The following AFF2 variants were observed in gnomAD, a reference collection of about 807,000 sequenced individuals.
AFF2 encodes AF4/FMR2 family member 2.
In AFF2, 14 loss-of-function variants were observed where a neutral mutation model predicts 76.9. The observed-to-expected ratio is 0.18, with a 90% CI of 0.12 to 0.28. The LOEUF (loss-of-function observed/expected upper bound fraction) is 0.28, where lower values mean the gene tolerates loss of function less well. Ranked by LOEUF, AFF2 falls within the 10% of genes least tolerant of loss-of-function variation. AFF2 has a pLI of 1.00. For synonymous variants in AFF2, 398 were observed against 366.7 expected, an observed-to-expected ratio of 1.09 and a Z score of -0.98; for missense variants, 868 against 1,001.1, an observed-to-expected ratio of 0.87 and a Z score of 1.79.
intron 8 of AFF2, among the ~76,000 whole-genome samples, chrX:148,889,866 A>G (rs2071203130): frequency 8.9e-6 from 1 of 111,805 alleles, no homozygotes; most frequent in Non-Finnish European, 1.9e-5. Flanking sequence ...TCATTGGGTC[A>G]TACTGGGGAT....
chrX:148,652,539 T>C lies in AFF2; in HGVS notation c.180+408T>C, dbSNP rs1181245040. 2.7e-4 allele frequency among the ~76,000 whole-genome samples: 30 copies of C among 112,244 alleles called. No individual in the cohort carries two copies. The Admixed American group carries it at 2.8e-3, about 11-fold the overall frequency. On this transcript the variant is annotated intron_variant, in intron 2 of 20. Transcript: ENST00000370460. The stretch of plus-strand genomic sequence containing the variant: ...GTCATCCATTGCAAGGCCACTGTTT[T>C]TCTTTTCCATTTTAGGTTGTTAGCA...
At position 148,539,673 on chromosome X, in the gene AFF2, A is replaced by T. The variant is rs73638162; in HGVS notation, c.47+38529A>T. ...TAAGATTGAACTATCTTTTTTTTTT[A>T]AAAAAATAAAACATTGAACTAGCTC... On this transcript the variant is annotated intron_variant, in intron 1 of 20. Transcript: ENST00000370460. Among the ~76,000 whole-genome samples, 679 of 109,543 alleles carry T rather than the reference A, an allele frequency of 6.2e-3. 7 individuals carry two copies. The highest frequency in any genetic ancestry group is 0.019 in the African/African-American group (580 of 30,077).
intron 1 of AFF2, among the ~76,000 whole-genome samples, chrX:148,523,102 T>G (rs1309210815): frequency 8.9e-6 from 1 of 112,367 alleles, no homozygotes; most frequent in East Asian, 2.8e-4. Flanking sequence ...ATATATCATC[T>G]TCATTAAGAG....
chrX:148,564,124 C>T (rs2053143271), intron 1 of AFF2, among the ~76,000 whole-genome samples: 1 of 111,891 alleles, frequency 8.9e-6, no homozygotes, highest in Non-Finnish European at 1.9e-5. Flanking sequence ...ATCACTTCTT[C>T]CCTCACTGTT....
chrX:148,549,150 C>T (rs1043919644), intron 1 of AFF2, among the ~76,000 whole-genome samples: 7 of 111,862 alleles, frequency 6.3e-5, no homozygotes, highest in Non-Finnish European at 1.1e-4. Flanking sequence ...TGAGGTGGGG[C>T]TATGTCAACT....
At chrX:148,700,540 A>C (rs1348175385) in intron 3 of AFF2, among the ~76,000 whole-genome samples, 2 of 107,702 alleles carry the variant, frequency 1.9e-5, no homozygotes, top group African/African-American at 6.8e-5. Flanking sequence ...GAGGCACTCC[A>C]TCCTCCACAA....
chrX:148,703,152 A>C (rs1326030863), intron 3 of AFF2, among the ~76,000 whole-genome samples: 1 of 112,085 alleles, frequency 8.9e-6, no homozygotes, highest in Non-Finnish European at 1.9e-5. Context: ...AGACCTCTCT[A>C]TCCTACCTTC....
intron 9 of AFF2, among the ~76,000 whole-genome samples, chrX:148,941,068 T>G (rs970323594): frequency 4.5e-5 from 5 of 112,087 alleles, no homozygotes; most frequent in Non-Finnish European, 9.4e-5. Context: ...GATGTCAGCT[T>G]TAAATATGAC....
At chrX:148,579,421 G>T (rs1338570932) in intron 1 of AFF2, among the ~76,000 whole-genome samples, 3 of 111,447 alleles carry the variant, frequency 2.7e-5, no homozygotes, top group African/African-American at 9.8e-5. Context: ...TCAATGCAAG[G>T]CCAAACACAA....
intron 3 of AFF2, among the ~76,000 whole-genome samples, chrX:148,755,328 T>C (rs1272516234): frequency 1.8e-5 from 2 of 112,171 alleles, no homozygotes; most frequent in Admixed American, 1.9e-4. Context: ...TTCCCTTTTT[T>C]TTCCAATTTG....
intron 1 of AFF2, among the ~76,000 whole-genome samples, chrX:148,580,002 G>C (rs2053335971): frequency 9.0e-6 from 1 of 111,675 alleles, no homozygotes; most frequent in Non-Finnish European, 1.9e-5. Flanking sequence ...CTATTGTGCA[G>C]ATAGTGCATG....
intron 5 of AFF2, among the ~76,000 whole-genome samples, 182 bp downstream of exon 5, chrX:148,837,915 A>G (rs1489918404): frequency 4.5e-5 from 5 of 112,213 alleles, no homozygotes; most frequent in African/African-American, 1.6e-4. Context: ...AAAACAAAAT[A>G]CACACAGATA....
At chrX:148,657,265 C>T (rs903598060) in intron 2 of AFF2, among the ~76,000 whole-genome samples, 2 of 111,419 alleles carry the variant, frequency 1.8e-5, no homozygotes, top group Non-Finnish European at 3.8e-5. Flanking sequence ...AGGTGCTACA[C>T]AAATTCAGGT....
intron 1 of AFF2, among the ~76,000 whole-genome samples, chrX:148,575,113 G>A (rs998886259): frequency 2.7e-5 from 3 of 110,525 alleles, no homozygotes; most frequent in Admixed American, 9.7e-5. Context: ...AGATTCAATA[G>A]GTAATGGTTG....
chrX:148,810,384 G>A (rs782038795), intron 4 of AFF2, among the ~76,000 whole-genome samples: 12 of 112,360 alleles, frequency 1.1e-4, no homozygotes, highest in Non-Finnish European at 2.1e-4. Context: ...GGCATGTTGT[G>A]GAAAGTGTTA....
intron 1 of AFF2, among the ~76,000 whole-genome samples, chrX:148,528,968 A>AT (rs2052696543): frequency 9.0e-6 from 1 of 111,678 alleles, no homozygotes; most frequent in Admixed American, 9.5e-5. Flanking sequence ...CGGATAAGTT[A>AT]TTTTAAAGAT....
chrX:148,507,006 G>A (rs1005431055), intron 1 of AFF2, among the ~76,000 whole-genome samples: 25 of 112,047 alleles, frequency 2.2e-4, no homozygotes, highest in African/African-American at 7.8e-4. Context: ...CTAGAGAATG[G>A]TGTGTCACCC....
At chrX:148,931,929 G>A (rs1187030470) in intron 9 of AFF2, among the ~76,000 whole-genome samples, 3 of 111,923 alleles carry the variant, frequency 2.7e-5, no homozygotes, top group Admixed American at 1.9e-4. Flanking sequence ...TGCTACTGCT[G>A]ATATCAGGAA....
intron 1 of AFF2, among the ~76,000 whole-genome samples, chrX:148,573,585 T>C (rs1228460372): frequency 9.0e-6 from 1 of 111,289 alleles, no homozygotes; most frequent in Non-Finnish European, 1.9e-5. Flanking sequence ...AGGGATCTTT[T>C]AAAATTACAT....
Sources: allele counts gnomAD v4.1 joint callset (sites outside exome capture counted in the v4.1 genomes callset), GRCh38; gene constraint gnomAD v4.1.1; transcripts MANE v1.5; gene names NCBI Gene and HGNC (gene_info 2026-07-23, HGNC 2026-07-21).